The following WIPF2 variants were observed in gnomAD, a reference collection of about 807,000 sequenced individuals.
WIPF2 encodes the protein WAS/WASL-interacting protein family member 2.
In WIPF2, 23 loss-of-function variants were observed where a neutral mutation model predicts 38.8. The observed-to-expected ratio is 0.59, with a 90% CI of 0.43 to 0.84. WIPF2 has a LOEUF of 0.84. WIPF2 is among the 40% of genes least tolerant of loss of function. The pLI is 0.00. For synonymous variants in WIPF2, 210 were observed against 223.2 expected (o/e 0.94, Z 0.53); for missense variants, 574 against 580.5 (o/e 0.99, Z 0.11).
In WIPF2 at chr17:40,278,393, A is replaced by G; in HGVS notation, c.*168A>G. 1.4e-6 allele frequency: 1 copy of G among 708,952 alleles called. No homozygotes were observed. 43.9% of individuals were successfully genotyped at this position (708,952 alleles called of 1,614,324 possible). Reference sequence around the variant, plus strand: ...CAGCTCACCTCCATCTATGCATCTCATCTCTGGATTTGGTGATCAGACTCT... The same window carrying G: ...CAGCTCACCTCCATCTATGCATCTCGTCTCTGGATTTGGTGATCAGACTCT... On this transcript the variant is annotated 3_prime_UTR_variant, in exon 8 of 8. Coordinates refer to ENST00000323571, the MANE Select transcript of WIPF2 (RefSeq NM_133264.5).
intron 1 of WIPF2, among the ~76,000 whole-genome samples, chr17:40,230,479 G>T (rs932145241): frequency 6.6e-6 from 1 of 152,076 alleles, no homozygotes; most frequent in African/African-American, 2.4e-5. Context: ...TGATGCTTGT[G>T]CAGTGAAACA....
chr17:40,221,357 C>G (rs2030228781), intron 1 of WIPF2, among the ~76,000 whole-genome samples: 1 of 152,030 alleles, frequency 6.6e-6, no homozygotes, highest in African/African-American at 2.4e-5. Context: ...TTTTCTCTGT[C>G]CCTGCCTCTA....
At chr17:40,261,012 C>G (rs1339329524) in intron 3 of WIPF2, among the ~76,000 whole-genome samples, 1 of 131,386 alleles carries the variant, frequency 7.6e-6, no homozygotes, top group Non-Finnish European at 1.6e-5. Context: ...GGCAACAGAG[C>G]AAGACCCTGT....
intron 1 of WIPF2, among the ~76,000 whole-genome samples, chr17:40,227,754 G>A (rs1362808805): frequency 6.6e-6 from 1 of 152,002 alleles, no homozygotes; most frequent in Non-Finnish European, 1.5e-5. Flanking sequence ...TCGGGAGGCT[G>A]AGGCACAAGA....
intron 1 of WIPF2, among the ~76,000 whole-genome samples, chr17:40,220,235 C>T (rs1369084839): frequency 6.6e-6 from 1 of 151,574 alleles, no homozygotes; most frequent in Admixed American, 6.6e-5. Flanking sequence ...CCTTGGACTC[C>T]CAGAGTGCTG....
At chr17:40,242,689 A>G (rs1279919126) in intron 1 of WIPF2, among the ~76,000 whole-genome samples, 1 of 152,300 alleles carries the variant, frequency 6.6e-6, no homozygotes, top group East Asian at 1.9e-4. Context: ...GGCATGAGCC[A>G]CTGTGCCTGG....
chr17:40,259,206 A>G (rs1384417193), intron 2 of WIPF2, among the ~76,000 whole-genome samples: 2 of 151,328 alleles, frequency 1.3e-5, no homozygotes, highest in African/African-American at 2.4e-5. Flanking sequence ...AGGAAAGCAT[A>G]TAGAGGTTTA....
At chr17:40,251,193 C>T (rs1199801777) in intron 1 of WIPF2, among the ~76,000 whole-genome samples, 2 of 152,052 alleles carry the variant, frequency 1.3e-5, no homozygotes, top group Non-Finnish European at 1.5e-5. Flanking sequence ...GGATTACAGG[C>T]GTGAGCCACT....
At position 40,258,913 on chromosome 17, in the gene WIPF2, G is replaced by C. The variant is rs928670932; in HGVS notation, c.64-1622G>C. On this transcript the variant is annotated intron_variant, in intron 2 of 7. Coordinates refer to ENST00000323571, the MANE Select transcript of WIPF2 (RefSeq NM_133264.5). ...CGCTTGCTTCAGCCTCCTAAGTAGA[G>C]GGGACTACATGTGCATGACACTGCA... Among the ~76,000 whole-genome samples the C allele has an allele frequency of 4.0e-5, 6 of 149,658 alleles. No homozygotes were observed. In the Admixed American group the frequency reaches 4.0e-4, roughly 10 times the overall value.
intron 1 of WIPF2, among the ~76,000 whole-genome samples, chr17:40,232,429 G>T (rs1457607509): frequency 6.7e-6 from 1 of 150,342 alleles, no homozygotes; most frequent in Non-Finnish European, 1.5e-5. Flanking sequence ...ACCTCAAGCA[G>T]TCCACCCGCC....
chr17:40,223,597 G>T (rs2030344647), intron 1 of WIPF2, among the ~76,000 whole-genome samples: 1 of 145,018 alleles, frequency 6.9e-6, no homozygotes. Flanking sequence ...ATTTTTTTTT[G>T]GGTTTTTTTT....
At chr17:40,224,433 G>C (rs71371413) in intron 1 of WIPF2, among the ~76,000 whole-genome samples, 1 of 132,664 alleles carries the variant, frequency 7.5e-6, no homozygotes, top group Non-Finnish European at 1.6e-5. Flanking sequence ...TTTTGTAGTA[G>C]AGACGGGGTT....
chr17:40,256,639 A>G, intron 2 of WIPF2, 117 bp downstream of exon 2: 2 of 1,338,610 alleles, frequency 1.5e-6, no homozygotes, highest in Non-Finnish European at 2.0e-6. Context: ...TTTTCCTACT[A>G]GTAGCATTCC....
intron 1 of WIPF2, among the ~76,000 whole-genome samples, chr17:40,249,926 G>A (rs1428449555): frequency 6.6e-6 from 1 of 150,566 alleles, no homozygotes; most frequent in African/African-American, 2.4e-5. Flanking sequence ...TCCGCCTCCC[G>A]GGTTCAAGCA....
chr17:40,238,342 T>C lies in WIPF2; in HGVS notation c.-69-18049T>C, dbSNP rs1224386435. Among the ~76,000 whole-genome samples, 6 of 152,244 alleles carry C rather than the reference T, an allele frequency of 3.9e-5. No individual in the cohort carries two copies. The East Asian group carries it at 9.7e-4, about 25-fold the overall frequency. On this transcript the variant is annotated intron_variant, in intron 1 of 7. Coordinates refer to ENST00000323571, the MANE Select transcript of WIPF2 (RefSeq NM_133264.5). ...TATTTGAGATGGAGTCTGGCTCTGT[T>C]GCCCAGGCTGGAGTACAATGGCACG...
chr17:40,264,872 A>T lies in WIPF2; in HGVS notation c.696A>T (p.Pro232=). 1 of 1,613,262 alleles carries T rather than the reference A, an allele frequency of 6.2e-7. No homozygotes were observed. Among genetic ancestry groups the T allele is most frequent in the South Asian group, 1.1e-5 (1 of 91,018 alleles). The stretch of plus-strand genomic sequence containing the variant: ...CTCCTGCTCCACCCCCAGTCAAACC[A>T]CCTCCTTCCCCTGTGAATATCAGAA... ...EGPPAPPPVK[P]PPSPVNIRTG... is the part of the protein sequence containing the mutation. The change falls in exon 5 of 8, where the codon CCA becomes CCT. Residue 232 remains proline, a synonymous_variant. Coordinates refer to ENST00000323571, the MANE Select transcript of WIPF2 (RefSeq NM_133264.5).
intron 3 of WIPF2, 108 bp from the exon 4 acceptor site, chr17:40,262,417 G>GCCC (rs2031942214): frequency 1.2e-5 from 10 of 829,860 alleles, no homozygotes; most frequent in Admixed American, 4.8e-5. Context: ...AACAAGACTG[G>GCCC]TTTGTTTGCA....
intron 1 of WIPF2, among the ~76,000 whole-genome samples, chr17:40,240,273 C>T (rs946102683): frequency 1.3e-5 from 2 of 151,962 alleles, no homozygotes; most frequent in Non-Finnish European, 2.9e-5. Context: ...CCAGGTTGAC[C>T]AGGCTGGTCT....
intron 1 of WIPF2, among the ~76,000 whole-genome samples, chr17:40,223,214 G>A (rs2030328716): frequency 6.6e-6 from 1 of 151,930 alleles, no homozygotes; most frequent in Non-Finnish European, 1.5e-5. Flanking sequence ...CACAATCTTG[G>A]CTCACTGCAA....
Sources: allele counts gnomAD v4.1 joint callset (sites outside exome capture counted in the v4.1 genomes callset), GRCh38; gene constraint gnomAD v4.1.1; transcripts MANE v1.5; gene names NCBI Gene and HGNC (gene_info 2026-07-23, HGNC 2026-07-21).